HGFAC: variants seen among roughly 807,000 people sequenced by gnomAD.
The protein encoded by HGFAC is hepatocyte growth factor activator serine protease.
In HGFAC, 76 loss-of-function variants were observed where a neutral mutation model predicts 70.6. That is an observed-to-expected ratio of 1.08 (90% confidence interval 0.89 to 1.30). HGFAC has a LOEUF of 1.30. Ranked by LOEUF, HGFAC falls within the 50% of genes most tolerant of loss-of-function variation. HGFAC has a pLI of 0.00. For synonymous variants in HGFAC, 464 were observed against 405.3 expected (o/e 1.14, Z -1.74); for missense variants, 1,044 against 933.7 (o/e 1.12, Z -1.54).
intron 1 of HGFAC, 64 bp from the exon 2 acceptor site, chr4:3,442,668 C>G: frequency 8.1e-7 from 1 of 1,239,838 alleles, no homozygotes; most frequent in Non-Finnish European, 1.1e-6. Flanking sequence ...GCTGTGACCT[C>G]CTGCCCGGCA....
rs768101556 is a variant in HGFAC, at chr4:3,442,094, G to T, written c.93G>T (p.Arg31=). ...TCCTGCTGCTGCTGCTGCTGCCACGGGGGTTCCAGCCCCAGCCTGGCGGGG... is the reference window on the plus strand; with the variant it reads ...TCCTGCTGCTGCTGCTGCTGCCACGTGGGTTCCAGCCCCAGCCTGGCGGGG... The part of the protein sequence containing the change: ...LLLLLLLLLP[R]GFQPQPGGNR... The change falls in exon 1 of 14, where the codon CGG becomes CGT. Residue 31 remains arginine, a synonymous_variant. Coordinates refer to ENST00000382774, the MANE Select transcript of HGFAC (RefSeq NM_001528.4). The T allele has an allele frequency of 6.4e-7, 1 of 1,560,300 alleles. No individual in the cohort carries two copies. Among genetic ancestry groups the T allele is most frequent in the South Asian group, 1.2e-5 (1 of 85,058 alleles).
chr4:3,444,191 T>C (rs763286183), intron 5 of HGFAC, 30 bp downstream of exon 5: 1 of 1,581,696 alleles, frequency 6.3e-7, no homozygotes. Flanking sequence ...TCCGCAGGGG[T>C]CCAGGGGCCG....
chr4:3,447,049 CAG>C (rs1166433064), intron 10 of HGFAC, among the ~76,000 whole-genome samples: 1 of 152,220 alleles, frequency 6.6e-6, no homozygotes, highest in Non-Finnish European at 1.5e-5. Context: ...GACCTCCACA[CAG>C]CAGATGGGAG....
rs1491412589 is a variant in HGFAC, at chr4:3,449,244, CAG to C, written c.1794_1795del (p.Gly600AlafsTer20). On this transcript the variant is annotated frameshift_variant, in exon 14 of 14. Coordinates refer to ENST00000382774, the MANE Select transcript of HGFAC (RefSeq NM_001528.4). LOFTEE classifies it low-confidence loss of function (END_TRUNC). Reference sequence around the variant, plus strand: ...ACCAACGTCTCTGCCCAGGGGGACTCAGGGGGGCCCCTGGCCTGCGAGAAGAA... The same window carrying C: ...ACCAACGTCTCTGCCCAGGGGGACTCGGGGGCCCCTGGCCTGCGAGAAGAA... The C allele has an allele frequency of 9.7e-5, 157 of 1,611,668 alleles. No homozygotes were observed. Among genetic ancestry groups the C allele is most frequent in the South Asian group, 2.2e-5 (2 of 91,014 alleles).
Position 3,449,048 on chromosome 4 carries a change from T to C in HGFAC, c.1786-189T>C, listed in dbSNP as rs545310985. On this transcript the variant is annotated intron_variant, in intron 13 of 13. Transcript: ENST00000382774. ...GGCTTCAGGAAGGGGAATAACGTGG[T>C]TGGATGCCCTGGCCCAGCCAGTGCT... 2.0e-5 allele frequency among the ~76,000 whole-genome samples: 3 copies of C among 152,164 alleles called. No individual in the cohort carries two copies. In the South Asian group the frequency reaches 6.2e-4, roughly 32 times the overall value.
chr4:3,444,375 C>T lies in HGFAC; in HGVS notation c.663C>T (p.Arg221=). ...GGGGCGACCGCTGGGCCCGCGTGCGCCAGGGCCACGTGGAACAGTGCGAGT... is the reference window on the plus strand; with the variant it reads ...GGGGCGACCGCTGGGCCCGCGTGCGTCAGGGCCACGTGGAACAGTGCGAGT... ...LEGGDRWARV[R]QGHVEQCECF... The change falls in exon 6 of 14, where the codon CGC becomes CGT. Residue 221 remains arginine (R), a synonymous_variant. Coordinates refer to ENST00000382774, the MANE Select transcript of HGFAC (RefSeq NM_001528.4). 1.9e-6 allele frequency: 3 copies of T among 1,603,722 alleles called. No individual in the cohort carries two copies. Among genetic ancestry groups the T allele is most frequent in the Non-Finnish European group, 2.6e-6 (3 of 1,176,376 alleles).
At position 3,442,018 on chromosome 4, in the gene HGFAC, G is replaced by C. The variant is rs1725329830; in HGVS notation, c.17G>C (p.Trp6Ser). The C allele has an allele frequency of 2.0e-6, 3 of 1,508,604 alleles. No homozygotes were observed. The highest frequency in any genetic ancestry group is 2.9e-5 in the African/African-American group (2 of 68,610). 93.5% of individuals were successfully genotyped at this position (1,508,604 alleles called of 1,614,324 possible). The change falls in exon 1 of 14, where the codon TGG (tryptophan) becomes TCG (serine). Residue 6 changes from tryptophan (W) to serine (S), a missense_variant. Transcript: ENST00000382774. ...TCAGGAGCCATGGGGCGCTGGGCCT[G>C]GGTCCCCAGCCCCTGGCCCCCACCG... MGRWA[W>S]VPSPWPPPGL...
Position 3,448,269 on chromosome 4 carries a change from C to T in HGFAC, c.1778C>T (p.Ala593Val). 2 of 1,608,900 alleles carry T rather than the reference C, an allele frequency of 1.2e-6. No individual in the cohort carries two copies. The highest frequency in any genetic ancestry group is 1.7e-6 in the Non-Finnish European group (2 of 1,179,478). ...GGCTACTTCGACTGCAAGTCCGACGCCTGCCAGGTGAGCTGGTGCCCGCCC... is the reference window on the plus strand; with the variant it reads ...GGCTACTTCGACTGCAAGTCCGACGTCTGCCAGGTGAGCTGGTGCCCGCCC... ...CAGYFDCKSD[A>V]CQGDSGGPLA... The change falls in exon 13 of 14, where the codon GCC becomes GTC. Residue 593 changes from alanine to valine, a missense_variant. Transcript: ENST00000382774.
intron 10 of HGFAC, 102 bp downstream of exon 10, chr4:3,446,396 C>T: frequency 4.2e-6 from 6 of 1,413,656 alleles, no homozygotes; most frequent in Non-Finnish European, 5.7e-6. Context: ...CATCCCGGTG[C>T]CTCTGCTGAC....
chr4:3,443,459 C>T, intron 4 of HGFAC, 39 bp downstream of exon 4: 1 of 1,312,312 alleles, frequency 7.6e-7, no homozygotes. Context: ...GGGCAGGGGG[C>T]ACTGGGCCAG....
In HGFAC at chr4:3,445,306, A is replaced by G; in HGVS notation, c.1058A>G (p.Lys353Arg). 2 of 1,589,474 alleles carry G rather than the reference A, an allele frequency of 1.3e-6. No individual in the cohort carries two copies. The highest frequency in any genetic ancestry group is 1.7e-6 in the Non-Finnish European group (2 of 1,168,936). ...NDERPWCYVV[K>R]DSALSWEYCR... The stretch of plus-strand genomic sequence containing the variant: ...GAGAGGCCCTGGTGCTACGTGGTGA[A>G]GGACAGCGCGCTCTCCTGGGAGTAC... The change falls in exon 9 of 14, where the codon AAG becomes AGG. Residue 353 changes from lysine (K) to arginine (R), a missense_variant. Physicochemically the swap from Lys to Arg is conservative, Grantham distance 26 (BLOSUM62 2). Coordinates refer to ENST00000382774, the MANE Select transcript of HGFAC (RefSeq NM_001528.4).
intron 9 of HGFAC, chr4:3,445,729 C>G: frequency 1.3e-6 from 1 of 798,136 alleles, no homozygotes; most frequent in Non-Finnish European, 2.0e-6. Context: ...GCGGGGCCAG[C>G]CCGGGGCTCT....
chr4:3,442,995 G>A (rs1725365385), intron 2 of HGFAC, 55 bp from the exon 3 acceptor site: 1 of 1,548,052 alleles, frequency 6.5e-7, no homozygotes, highest in Non-Finnish European at 8.8e-7. Flanking sequence ...TGGAGGTCCT[G>A]AGGGGCTCGG....
At position 3,448,295 on chromosome 4, in the gene HGFAC, C is replaced by A. The variant is rs377216302; in HGVS notation, c.1785+19C>A. The A allele has an allele frequency of 6.5e-5, 104 of 1,601,928 alleles. No individual in the cohort carries two copies. The highest frequency in any genetic ancestry group is 8.1e-5 in the Non-Finnish European group (95 of 1,176,544). ...CTGCCAGGTGAGCTGGTGCCCGCCC[C>A]ACCAGGACCCGACTGGTGGGGGCTC... On this transcript the variant is annotated intron_variant, in intron 13 of 13. Transcript: ENST00000382774.
At chr4:3,443,274 C>CA in intron 3 of HGFAC, 67 bp from the exon 4 acceptor site, 1 of 1,410,826 alleles carries the variant, frequency 7.1e-7, no homozygotes, top group Admixed American at 2.2e-5. Flanking sequence ...AGAGACCCTC[C>CA]AGGGTGGTGG....
intron 13 of HGFAC, 79 bp from the exon 14 acceptor site, chr4:3,449,158 C>G (rs560699669): frequency 2.1e-5 from 29 of 1,365,632 alleles, no homozygotes; most frequent in Middle Eastern, 2.3e-4. Context: ...TCCTCTGTCC[C>G]CAAGCTGCCA....
At chr4:3,442,942 C>A in intron 2 of HGFAC, 30 bp downstream of exon 2, 3 of 1,551,852 alleles carry the variant, frequency 1.9e-6, no homozygotes, top group Non-Finnish European at 2.6e-6. Flanking sequence ...GAGGAGGTGT[C>A]GTGCTTCACC....
rs1252294124 is a variant in HGFAC at position 3,444,652 on chromosome 4, G to A, written c.760G>A (p.Gly254Ser). The change falls in exon 7 of 14, where the codon GGC becomes AGC. Residue 254 changes from glycine (G) to serine (S), a missense_variant. Physicochemically the swap from Gly to Ser is moderately conservative, Grantham distance 56 (BLOSUM62 0). Transcript: ENST00000382774. ...TCTGAGCAGCCCTTGCCTGAACGGG[G>A]GCACCTGCCACCTGATCGTGGCCAC... ...ACLSSPCLNG[G>S]TCHLIVATGT... is the part of the protein sequence containing the mutation. 2 of 1,597,886 alleles carry A rather than the reference G, an allele frequency of 1.3e-6. No individual in the cohort carries two copies. Among genetic ancestry groups the A allele is most frequent in the Non-Finnish European group, 1.7e-6 (2 of 1,178,214 alleles).
chr4:3,444,012 C>CTCACACCCCCTCCCG, intron 4 of HGFAC, 27 bp from the exon 5 acceptor site: 3 of 1,555,624 alleles, frequency 1.9e-6, no homozygotes, highest in Non-Finnish European at 2.6e-6. Flanking sequence ...CAGTCCGCCC[C>CTCACACCCCCTCCCG]TCACACCCCC....
Sources: allele counts gnomAD v4.1 joint callset (sites outside exome capture counted in the v4.1 genomes callset), GRCh38; gene constraint gnomAD v4.1.1; transcripts MANE v1.5; gene names NCBI Gene and HGNC (gene_info 2026-07-23, HGNC 2026-07-21).